The following SHISA6 variants were observed in gnomAD, a reference collection of about 807,000 sequenced individuals.
SHISA6 encodes protein shisa-6.
SHISA6 carries 22 observed loss-of-function variants against 47.9 expected under a neutral mutation model. The observed-to-expected ratio is 0.46, with a 90% CI of 0.33 to 0.66. SHISA6 has a LOEUF of 0.66. Ranked by LOEUF, SHISA6 falls within the 30% of genes least tolerant of loss-of-function variation. The pLI, the probability that SHISA6 is intolerant of heterozygous loss-of-function variation, is 0.02. For missense variants in SHISA6, 680 were observed against 764.6 expected (o/e 0.89, Z 1.30); for synonymous variants, 388 against 337.8 (o/e 1.15, Z -1.63).
intron 3 of SHISA6, among the ~76,000 whole-genome samples, chr17:11,521,732 G>A (rs1444017332): frequency 2.0e-5 from 3 of 152,088 alleles, no homozygotes; most frequent in Non-Finnish European, 4.4e-5. Context: ...GAACCCAGGA[G>A]TTCAAAAGTG....
chr17:11,324,930 C>G (rs1032721570), intron 2 of SHISA6, among the ~76,000 whole-genome samples: 5 of 152,128 alleles, frequency 3.3e-5, no homozygotes, highest in Non-Finnish European at 7.4e-5. Context: ...TATCTGGTCC[C>G]TGGAGCCCTC....
intron 3 of SHISA6, among the ~76,000 whole-genome samples, chr17:11,436,535 C>T (rs1914946164): frequency 6.6e-6 from 1 of 152,138 alleles, no homozygotes; most frequent in Non-Finnish European, 1.5e-5. Flanking sequence ...CTATTATTCA[C>T]TTTAACAGCA....
chr17:11,251,616 A>G (rs570943512), intron 1 of SHISA6, among the ~76,000 whole-genome samples: 5 of 151,844 alleles, frequency 3.3e-5, no homozygotes, highest in East Asian at 3.9e-4. Context: ...ATTTATCACA[A>G]CTCTCCCACC....
chr17:11,262,346 C>T (rs545315518), intron 1 of SHISA6, among the ~76,000 whole-genome samples: 17 of 152,280 alleles, frequency 1.1e-4, no homozygotes, highest in African/African-American at 2.4e-4. Context: ...TAGTCTTTGC[C>T]TGGCATGTGC....
intron 2 of SHISA6, among the ~76,000 whole-genome samples, chr17:11,373,615 G>A (rs1912697421): frequency 6.6e-6 from 1 of 152,074 alleles, no homozygotes; most frequent in Admixed American, 6.6e-5. Flanking sequence ...AATGTGTTAT[G>A]TTGCATATTT....
intron 3 of SHISA6, among the ~76,000 whole-genome samples, chr17:11,482,446 T>TTCAA (rs1281916577): frequency 6.6e-6 from 1 of 152,224 alleles, no homozygotes. Context: ...TCATTTACTT[T>TTCAA]TCAAGGCAAT....
intron 3 of SHISA6, among the ~76,000 whole-genome samples, chr17:11,426,370 A>G (rs986383060): frequency 6.6e-6 from 1 of 152,248 alleles, no homozygotes; most frequent in Admixed American, 6.5e-5. Flanking sequence ...TCTAATTGGA[A>G]TGACAGAGAA....
At chr17:11,536,681 A>C (rs1246321919) in intron 3 of SHISA6, among the ~76,000 whole-genome samples, 1 of 152,264 alleles carries the variant, frequency 6.6e-6, no homozygotes, top group African/African-American at 2.4e-5. Context: ...GCACTGTGTC[A>C]GCAGCCAAGC....
chr17:11,243,059 C>T (rs1221735140), intron 1 of SHISA6, among the ~76,000 whole-genome samples: 3 of 151,932 alleles, frequency 2.0e-5, no homozygotes, highest in African/African-American at 7.3e-5. Flanking sequence ...GAGATGCCTC[C>T]ATTTCTGTTG....
At chr17:11,412,628 A>G (rs752792027) in intron 3 of SHISA6, among the ~76,000 whole-genome samples, 14 of 150,386 alleles carry the variant, frequency 9.3e-5, no homozygotes, top group East Asian at 7.9e-4. Context: ...TGCAAGCTCC[A>G]CCTCCCAGGT....
At chr17:11,465,534 C>T (rs1310660213) in intron 3 of SHISA6, among the ~76,000 whole-genome samples, 7 of 152,144 alleles carry the variant, frequency 4.6e-5, no homozygotes, top group Non-Finnish European at 1.0e-4. Flanking sequence ...TCCCAGGTAG[C>T]TGGGACCAGG....
intron 1 of SHISA6, 87 bp downstream of exon 1, chr17:11,242,147 C>T (rs1907392526): frequency 1.3e-6 from 2 of 1,499,486 alleles, no homozygotes; most frequent in East Asian, 2.5e-5. Flanking sequence ...CTCTCGGCAT[C>T]ATCACACCTC....
intron 2 of SHISA6, among the ~76,000 whole-genome samples, chr17:11,334,878 G>A (rs1010099684): frequency 1.3e-5 from 2 of 152,200 alleles, no homozygotes; most frequent in African/African-American, 4.8e-5. Context: ...ACTGGAGGGT[G>A]TGTTATAGGG....
intron 3 of SHISA6, among the ~76,000 whole-genome samples, chr17:11,412,028 C>G (rs141881606): frequency 2.0e-5 from 3 of 152,136 alleles, no homozygotes; most frequent in African/African-American, 7.2e-5. Flanking sequence ...AAAAGGTTGT[C>G]TCTGAAAAAA....
chr17:11,252,929 A>G (rs374167926), intron 1 of SHISA6, among the ~76,000 whole-genome samples: 1 of 152,220 alleles, frequency 6.6e-6, no homozygotes, highest in African/African-American at 2.4e-5. Flanking sequence ...ATGGTGTCCC[A>G]TAGTCTTGGG....
intron 3 of SHISA6, among the ~76,000 whole-genome samples, chr17:11,454,898 G>A (rs553980812): frequency 2.3e-4 from 35 of 152,202 alleles, no homozygotes; most frequent in African/African-American, 8.2e-4. Flanking sequence ...GGCTGGGCAC[G>A]GTAGCTCATG....
chr17:11,389,303 G>A (rs900242103), intron 3 of SHISA6, among the ~76,000 whole-genome samples: 11 of 152,146 alleles, frequency 7.2e-5, no homozygotes, highest in African/African-American at 2.4e-4. Context: ...GATAGTACCC[G>A]GCAAAGGAGG....
intron 3 of SHISA6, among the ~76,000 whole-genome samples, chr17:11,536,442 G>T (rs1023052112): frequency 1.3e-5 from 2 of 152,186 alleles, no homozygotes; most frequent in African/African-American, 4.8e-5. Context: ...TCTCAAAAGA[G>T]CAACCATTCT....
chr17:11,362,758 G>T (rs980432979), intron 2 of SHISA6, among the ~76,000 whole-genome samples: 5 of 152,124 alleles, frequency 3.3e-5, no homozygotes, highest in African/African-American at 1.2e-4. Context: ...GCAGTCTAGC[G>T]CCATATCCAA....
Sources: allele counts gnomAD v4.1 joint callset (sites outside exome capture counted in the v4.1 genomes callset), GRCh38; gene constraint gnomAD v4.1.1; transcripts MANE v1.5; gene names NCBI Gene and HGNC (gene_info 2026-07-23, HGNC 2026-07-21).